The following COLEC12 variants were observed in gnomAD, a reference collection of about 807,000 sequenced individuals.
COLEC12 encodes collectin subfamily member 12, also known as collectin-12.
COLEC12 carries 33 observed loss-of-function variants against 71.1 expected under a neutral mutation model. The ratio of observed to expected loss-of-function variants is 0.46; its 90% CI spans 0.35 to 0.62. The LOEUF (loss-of-function observed/expected upper bound fraction) is 0.62. Ranked by LOEUF, COLEC12 falls within the 20% of genes least tolerant of loss-of-function variation. The pLI is 0.00. For missense variants in COLEC12, 765 were observed against 916.1 expected (o/e 0.84, Z 2.13); for synonymous variants, 350 against 353.0 (o/e 0.99, Z 0.10).
chr18:499,796 T>C (rs72856702), intron 1 of COLEC12, among the ~76,000 whole-genome samples: 300 of 152,314 alleles, frequency 2.0e-3, no homozygotes, highest in South Asian at 8.7e-3. Context: ...ATCTGACACT[T>C]CCATAAACCG....
At chr18:333,783 T>A (rs1184221316) in intron 6 of COLEC12, 1 of 151,794 alleles carries the variant, frequency 6.6e-6, no homozygotes, top group African/African-American at 2.4e-5. Context: ...ATCTCCAGAG[T>A]GAGGATGTAA....
rs977423533 is a variant in COLEC12 at position 480,999 on chromosome 18, C to T, written c.8-242G>A. 2.6e-5 allele frequency among the ~76,000 whole-genome samples: 4 copies of T among 152,078 alleles called. No individual in the cohort carries two copies. The highest frequency in any genetic ancestry group is 7.2e-5 in the African/African-American group (3 of 41,404). On this transcript the variant is annotated intron_variant, in intron 1 of 9. Coordinates refer to ENST00000400256, the MANE Select transcript of COLEC12 (RefSeq NM_130386.3). This position sits in a 1 kb window ranked among gnomAD's most constrained non-coding sequence, Gnocchi z 4.1. Reference sequence around the variant, plus strand: ...TCGAATTCAGGTCTTAGCTAAAGTGCGACCCTTCGAGATGCCTTTCTGGAC... The same window carrying T: ...TCGAATTCAGGTCTTAGCTAAAGTGTGACCCTTCGAGATGCCTTTCTGGAC...
chr18:495,766 G>C (rs1035837034), intron 1 of COLEC12, among the ~76,000 whole-genome samples: 3 of 152,196 alleles, frequency 2.0e-5, no homozygotes, highest in Admixed American at 1.3e-4. Context: ...CATTATTAGG[G>C]CATAGCTAGG....
At chr18:465,803 T>A (rs1171256291) in intron 2 of COLEC12, among the ~76,000 whole-genome samples, 1 of 152,206 alleles carries the variant, frequency 6.6e-6, no homozygotes, top group Non-Finnish European at 1.5e-5. Flanking sequence ...CCGGGCACAG[T>A]GGCTCACACC....
intron 2 of COLEC12, among the ~76,000 whole-genome samples, chr18:364,867 A>G (rs1235873107): frequency 6.6e-6 from 1 of 152,088 alleles, no homozygotes; most frequent in Admixed American, 6.6e-5. Context: ...TCTGACCCTA[A>G]TTTTACAGAT....
chr18:479,526 ACTCTCTCT>A (rs541393393), intron 2 of COLEC12, among the ~76,000 whole-genome samples: 2 of 144,078 alleles, frequency 1.4e-5, no homozygotes, highest in Non-Finnish European at 3.0e-5. Context: ...TCATTTTCAT[ACTCTCTCT>A]CTCTCTCTCT....
chr18:435,840 G>T (rs1054551581), intron 2 of COLEC12, among the ~76,000 whole-genome samples: 1 of 152,126 alleles, frequency 6.6e-6, no homozygotes, highest in Non-Finnish European at 1.5e-5. Flanking sequence ...ATATTGATGG[G>T]TCAGCCTGAA....
At chr18:328,939 T>C (rs1338589517) in intron 8 of COLEC12, among the ~76,000 whole-genome samples, 1 of 152,242 alleles carries the variant, frequency 6.6e-6, no homozygotes, top group Non-Finnish European at 1.5e-5. Flanking sequence ...GTCTAACTTA[T>C]TCTTGCTTTT....
intron 5 of COLEC12, among the ~76,000 whole-genome samples, chr18:336,262 G>A (rs958557991): frequency 6.6e-6 from 1 of 152,108 alleles, no homozygotes; most frequent in South Asian, 2.1e-4. Context: ...TCAGAGGGAC[G>A]GGAGGTCTCT....
intron 2 of COLEC12, among the ~76,000 whole-genome samples, chr18:360,442 C>T (rs1182315224): frequency 1.3e-5 from 2 of 152,178 alleles, no homozygotes; most frequent in Non-Finnish European, 2.9e-5. Context: ...CTCGCCGCCT[C>T]AGCCTCCCAA....
intron 1 of COLEC12, among the ~76,000 whole-genome samples, chr18:497,408 G>GTGTA (rs1219958083): frequency 3.0e-5 from 4 of 131,710 alleles, no homozygotes; most frequent in African/African-American, 1.2e-4. Flanking sequence ...GTGTGTGTGT[G>GTGTA]TGTGTGTGTG....
intron 2 of COLEC12, among the ~76,000 whole-genome samples, chr18:379,779 A>G (rs937085237): frequency 6.6e-6 from 1 of 152,194 alleles, no homozygotes; most frequent in Admixed American, 6.5e-5. Context: ...GTGGTGATGC[A>G]AAGGTCAGAT....
At chr18:475,063 A>G (rs980045781) in intron 2 of COLEC12, among the ~76,000 whole-genome samples, 7 of 146,336 alleles carry the variant, frequency 4.8e-5, no homozygotes, top group African/African-American at 1.5e-4. Flanking sequence ...GACAAGAGCT[A>G]AACTCCGTCT....
intron 9 of COLEC12, among the ~76,000 whole-genome samples, chr18:320,427 G>C (rs966700858): frequency 5.3e-5 from 8 of 152,062 alleles, no homozygotes; most frequent in African/African-American, 1.7e-4. Flanking sequence ...GAGTTCCTAT[G>C]TGTCTTAAGG....
intron 2 of COLEC12, among the ~76,000 whole-genome samples, chr18:367,282 C>T (rs1485528701): frequency 2.0e-5 from 3 of 152,090 alleles, no homozygotes; most frequent in South Asian, 2.1e-4. Flanking sequence ...GACACAGTGT[C>T]GGGGCATGTG....
intron 2 of COLEC12, among the ~76,000 whole-genome samples, chr18:463,497 A>G (rs1210462799): frequency 1.3e-5 from 2 of 152,154 alleles, no homozygotes; most frequent in Non-Finnish European, 2.9e-5. Context: ...AATCATCTCA[A>G]TGCAATGAAA....
At chr18:351,025 G>A (rs979144247) in intron 3 of COLEC12, among the ~76,000 whole-genome samples, 59 of 151,380 alleles carry the variant, frequency 3.9e-4, no homozygotes, top group African/African-American at 1.1e-3. Context: ...ATGAGCCAAC[G>A]GATCTAATTT....
intron 3 of COLEC12, among the ~76,000 whole-genome samples, chr18:356,951 A>G (rs950506796): frequency 3.3e-5 from 5 of 152,220 alleles, no homozygotes; most frequent in Non-Finnish European, 7.3e-5. Context: ...CTGCAGAGAA[A>G]AAAGGGAATT....
chr18:339,407 C>T (rs540820786), intron 5 of COLEC12, among the ~76,000 whole-genome samples: 11 of 152,308 alleles, frequency 7.2e-5, no homozygotes, highest in African/African-American at 2.6e-4. Context: ...GTGGATCCCA[C>T]AGACAGCACA....
Sources: allele counts gnomAD v4.1 joint callset (sites outside exome capture counted in the v4.1 genomes callset), GRCh38; gene constraint gnomAD v4.1.1; non-coding constraint Gnocchi (gnomAD v3.1); transcripts MANE v1.5; gene names NCBI Gene and HGNC (gene_info 2026-07-23, HGNC 2026-07-21).